NT5C3A: variants seen among roughly 807,000 people sequenced by gnomAD.
NT5C3A encodes the protein cytosolic 5'-nucleotidase 3A.
A neutral mutation model predicts 40.0 loss-of-function variants in NT5C3A; 23 were observed. The observed-to-expected ratio is 0.58, with a 90% confidence interval of 0.41 to 0.81. The LOEUF (loss-of-function observed/expected upper bound fraction) is 0.81, where lower values mean the gene tolerates loss of function less well. NT5C3A is among the 40% of genes least tolerant of loss of function. The pLI is 0.00. For missense variants in NT5C3A, 328 were observed against 403.0 expected (o/e 0.81, Z 1.59); for synonymous variants, 130 against 141.4 (o/e 0.92, Z 0.57).
intron 1 of NT5C3A, among the ~76,000 whole-genome samples, chr7:33,028,093 A>G (rs1786046867): frequency 6.6e-6 from 1 of 152,236 alleles, no homozygotes; most frequent in Non-Finnish European, 1.5e-5. Context: ...TTTCCAAATA[A>G]TATACTGTTC....
intron 1 of NT5C3A, among the ~76,000 whole-genome samples, chr7:33,032,423 CAAA>C (rs34501041): frequency 7.4e-5 from 7 of 94,832 alleles, no homozygotes; most frequent in Non-Finnish European, 1.2e-4. Context: ...ACTCGGTCTC[CAAA>C]AAAAAAAAAA....
At chr7:33,051,890 A>T (rs1583965832) in intron 1 of NT5C3A, among the ~76,000 whole-genome samples, 1 of 152,336 alleles carries the variant, frequency 6.6e-6, no homozygotes, top group African/African-American at 2.4e-5. Context: ...ACTTTAAAAA[A>T]TCTTGTTGCT....
intron 2 of NT5C3A, among the ~76,000 whole-genome samples, chr7:33,025,427 A>G (rs1205708346): frequency 6.6e-6 from 1 of 152,208 alleles, no homozygotes; most frequent in East Asian, 1.9e-4. Flanking sequence ...AGACTGGGTT[A>G]AATATTATTT....
At chr7:33,036,431 A>G (rs918200176) in intron 1 of NT5C3A, 65 of 201,460 alleles carry the variant, frequency 3.2e-4, no homozygotes, top group African/African-American at 1.5e-3. Context: ...ATGATTTAAC[A>G]TAGCCTATAT....
intron 2 of NT5C3A, among the ~76,000 whole-genome samples, chr7:33,024,818 T>C (rs1410919172): frequency 6.6e-6 from 1 of 152,146 alleles, no homozygotes; most frequent in African/African-American, 2.4e-5. Flanking sequence ...CATATATATA[T>C]ACAGTTATTA....
At position 33,017,533 on chromosome 7, in the gene NT5C3A, C is replaced by T; in HGVS notation, c.599G>A (p.Gly200Glu). 1 of 1,613,770 alleles carries T rather than the reference C, an allele frequency of 6.2e-7. No homozygotes were observed. Among genetic ancestry groups the T allele is most frequent in the South Asian group, 1.1e-5 (1 of 91,078 alleles). The change falls in exon 7 of 9, where the codon GGA becomes GAA. Residue 200 changes from glycine (G) to glutamate (E), a missense_variant. Gly to Glu is a moderately conservative substitution (Grantham distance 98). Around this residue, in one of 3 missense-constraint regions of NT5C3A, gnomAD observed 280 missense variants for 317.2 expected, o/e 0.88. Coordinates refer to ENST00000610140, the MANE Select transcript of NT5C3A (RefSeq NM_001002010.5). ...HSIPVFIFSA[G>E]IGDVLEEVIR... ...AACTTCCTCTAGTACATCGCCGATT[C>T]CAGCCGAAAATATGAACACGGGGAT...
chr7:33,015,053 G>A (rs1266769564), intron 8 of NT5C3A, among the ~76,000 whole-genome samples: 1 of 152,126 alleles, frequency 6.6e-6, no homozygotes, highest in East Asian at 1.9e-4. Flanking sequence ...CTCCAGTCCA[G>A]TGGCTTTCAA....
intron 1 of NT5C3A, among the ~76,000 whole-genome samples, chr7:33,032,734 G>A (rs1003035947): frequency 6.6e-6 from 1 of 151,108 alleles, no homozygotes; most frequent in African/African-American, 2.4e-5. Context: ...TGGGATTACA[G>A]GCATCAGCCA....
At chr7:33,025,081 G>T (rs1785844804) in intron 2 of NT5C3A, among the ~76,000 whole-genome samples, 1 of 152,144 alleles carries the variant, frequency 6.6e-6, no homozygotes, top group South Asian at 2.1e-4. Context: ...GCAGGTTGCA[G>T]TGAGCTAAGA....
Position 33,014,517 on chromosome 7 carries a change from A to T in NT5C3A, c.*213T>A, listed in dbSNP as rs972503631. On this transcript the variant is annotated 3_prime_UTR_variant, in exon 9 of 9. Coordinates refer to ENST00000610140, the MANE Select transcript of NT5C3A (RefSeq NM_001002010.5). ...CTAATTTTAGCTTTTTTTTTTTTTTAAATGGGTTAAAAGATACGGTGAGGA... is the reference window on the plus strand; with the variant it reads ...CTAATTTTAGCTTTTTTTTTTTTTTTAATGGGTTAAAAGATACGGTGAGGA... The T allele has an allele frequency of 9.0e-5, 57 of 630,156 alleles. No individual in the cohort carries two copies. The highest frequency in any genetic ancestry group is 1.9e-4 in the East Asian group (5 of 25,918). The allele number at this position is 630,156 out of a possible 1,614,324, so 39.0% of individuals were successfully genotyped here.
In NT5C3A at chr7:33,022,112, A is replaced by G; in HGVS notation, c.308-13T>C. 7.3e-7 allele frequency: 1 copy of G among 1,367,956 alleles called. No homozygotes were observed. The highest frequency in any genetic ancestry group is 1.0e-6 in the Non-Finnish European group (1 of 958,490). 84.7% of individuals were successfully genotyped at this position (1,367,956 alleles called of 1,614,324 possible). On this transcript the variant is annotated splice_polypyrimidine_tract_variant and intron_variant, in intron 3 of 8. Transcript: ENST00000610140. The stretch of plus-strand genomic sequence containing the variant: ...TTGTCAATGATATCTAAAGATAGAA[A>G]GCAAAATAAGCATTAAAAGAAATAC...
Position 33,015,803 on chromosome 7 carries a change from T to C in NT5C3A, c.761A>G (p.Asn254Ser), listed in dbSNP as rs1331965649. The C allele has an allele frequency of 1.9e-6, 3 of 1,610,520 alleles. No individual in the cohort carries two copies. The highest frequency in any genetic ancestry group is 3.3e-5 in the Admixed American group (2 of 60,026). Residue 254 changes from asparagine (N) to serine (S), a missense_variant, in exon 8 of 9, where the codon AAT (asparagine) becomes AGT (serine). Asn to Ser is a conservative substitution (Grantham distance 46). This residue lies in a region of NT5C3A where 280 missense variants were observed against 317.2 expected (regional missense o/e 0.88). Transcript: ENST00000610140. ...TTTTAGTTGATTGAAATATTCTGTATTCCTCAAGGCACCATCATGTTTGTT... is the reference window on the plus strand; with the variant it reads ...TTTTAGTTGATTGAAATATTCTGTACTCCTCAAGGCACCATCATGTTTGTT... ...VFNKHDGALR[N>S]TEYFNQLKDN...
At chr7:33,060,369 C>CTTT (rs3082829) in intron 1 of NT5C3A, among the ~76,000 whole-genome samples, 10 of 78,474 alleles carry the variant, frequency 1.3e-4, no homozygotes, top group African/African-American at 3.3e-4. Context: ...TGCTTTCCTT[C>CTTT]TTTTTTTTTT....
rs565943015 is a variant in NT5C3A, at chr7:33,056,742, C to CT, written c.138+5825dup. Among the ~76,000 whole-genome samples, 191 of 152,188 alleles carry CT rather than the reference C, an allele frequency of 1.3e-3. 1 individual carries two copies. The highest frequency in any genetic ancestry group is 4.6e-3 in the African/African-American group (190 of 41,538). On this transcript the variant is annotated intron_variant, in intron 1 of 8. Coordinates refer to ENST00000610140, the MANE Select transcript of NT5C3A (RefSeq NM_001002010.5). ...TTAAAACTTGGGTTGCTTCTCCCTT[C>CT]TTTTTTAAAACACAGACTCAATAGT... is the stretch of plus-strand genomic sequence containing the variant.
At chr7:33,049,620 C>A (rs974927775) in intron 1 of NT5C3A, among the ~76,000 whole-genome samples, 2 of 152,018 alleles carry the variant, frequency 1.3e-5, no homozygotes, top group Non-Finnish European at 2.9e-5. Flanking sequence ...ACATATTGTA[C>A]ACAAAATAGA....
chr7:33,020,083 T>A (rs1374489051), intron 5 of NT5C3A, among the ~76,000 whole-genome samples: 3 of 152,202 alleles, frequency 2.0e-5, no homozygotes, highest in Non-Finnish European at 4.4e-5. Flanking sequence ...ACCCCATTTT[T>A]AAAATTTGTT....
intron 1 of NT5C3A, among the ~76,000 whole-genome samples, chr7:33,059,613 G>A (rs1468259209): frequency 1.3e-5 from 2 of 152,196 alleles, no homozygotes; most frequent in Non-Finnish European, 2.9e-5. Flanking sequence ...CACAACCTAT[G>A]AAGTAGGTAC....
Position 33,062,618 on chromosome 7 carries a change from T to C in NT5C3A, c.88A>G (p.Ile30Val). ...CCCGTCTTCCTCTTCAAGGTGAATA[T>C]GTACTGAGCCAGCACCACCCCCGCC... ...LVAGVVLAQY[I>V]FTLKRKTGRK... The change falls in exon 1 of 9, where the codon ATA (isoleucine) becomes GTA (valine). Residue 30 changes from isoleucine to valine, a missense_variant. Physicochemically the swap from Ile to Val is conservative, Grantham distance 29. This residue lies in a region of NT5C3A where 280 missense variants were observed against 317.2 expected (regional missense o/e 0.88). Transcript: ENST00000610140. The C allele has an allele frequency of 6.2e-7, 1 of 1,608,626 alleles. No homozygotes were observed. Among genetic ancestry groups the C allele is most frequent in the Non-Finnish European group, 8.5e-7 (1 of 1,178,306 alleles).
intron 1 of NT5C3A, among the ~76,000 whole-genome samples, chr7:33,034,393 A>G (rs1002733696): frequency 9.2e-5 from 14 of 152,134 alleles, no homozygotes; most frequent in African/African-American, 3.4e-4. Flanking sequence ...GAGGATTAAC[A>G]TTGTTTATAT....
Sources: gnomAD v4.1 joint callset for allele counts (sites outside exome capture counted in the v4.1 genomes callset) on GRCh38, gnomAD v4.1.1 for gene constraint, gnomAD v4.1.1 regional missense constraint, MANE v1.5 for transcripts, NCBI Gene and HGNC (gene_info 2026-07-23, HGNC 2026-07-21) for gene names.